Variants in ZGPAT observed in about 807,000 individuals in gnomAD.
The protein encoded by ZGPAT is zinc finger CCCH-type with G patch domain-containing protein.
ZGPAT carries 39 observed loss-of-function variants against 47.9 expected under a neutral mutation model. The ratio of observed to expected loss-of-function variants is 0.81; its 90% CI spans 0.63 to 1.06. ZGPAT has a LOEUF of 1.06. Ranked by LOEUF, ZGPAT falls within the 50% of genes least tolerant of loss-of-function variation. ZGPAT has a pLI of 0.00. For missense variants in ZGPAT, 717 were observed against 681.4 expected (o/e 1.05, Z -0.58); for synonymous variants, 348 against 292.9 (o/e 1.19, Z -1.92).
At chr20:63,732,240 TGC>T (rs1568799190) in intron 2 of ZGPAT, among the ~76,000 whole-genome samples, 5 of 148,964 alleles carry the variant, frequency 3.4e-5, no homozygotes, top group Non-Finnish European at 7.4e-5. Flanking sequence ...GGTGCATGTG[TGC>T]GTGCACGTGT....
intron 2 of ZGPAT, among the ~76,000 whole-genome samples, chr20:63,710,207 G>A (rs1486355875): frequency 6.8e-6 from 1 of 147,612 alleles, no homozygotes; most frequent in Non-Finnish European, 1.5e-5. Flanking sequence ...AGGCTGGAGT[G>A]TAGTGGCGCA....
chr20:63,731,594 A>C (rs995361145), intron 2 of ZGPAT, among the ~76,000 whole-genome samples: 1 of 146,802 alleles, frequency 6.8e-6, no homozygotes, highest in Admixed American at 6.8e-5. Flanking sequence ...ACATGTGTAA[A>C]GTGTACAGTT....
At chr20:63,724,828 C>T (rs2091827208) in intron 2 of ZGPAT, among the ~76,000 whole-genome samples, 1 of 151,872 alleles carries the variant, frequency 6.6e-6, no homozygotes, top group Admixed American at 6.6e-5. Context: ...CACCTGCCAC[C>T]ACCCCCAGCC....
At chr20:63,716,595 C>A (rs1330909639) in intron 2 of ZGPAT, among the ~76,000 whole-genome samples, 2 of 151,884 alleles carry the variant, frequency 1.3e-5, no homozygotes, top group African/African-American at 2.4e-5. Flanking sequence ...CTCACTGCAA[C>A]CCCTGCCTCC....
At position 63,708,817 on chromosome 20, in the gene ZGPAT, C is replaced by A; in HGVS notation, c.237C>A (p.Tyr79Ter). Reference sequence around the variant, plus strand: ...CGGGCCGCCAGGAAGATGCTGAGTACCAGGCTTTCCGGGAGGCCATCACTG... The same window carrying A: ...CGGGCCGCCAGGAAGATGCTGAGTAACAGGCTTTCCGGGAGGCCATCACTG... The part of the protein sequence containing the change: ...ERPGRQEDAE[Y>*]QAFREAITEA... The change falls in exon 2 of 7, where the codon TAC becomes TAA. Residue 79 changes from tyrosine (Y) to a stop codon, truncating the protein, a stop_gained. Transcript: ENST00000355969. LOFTEE classifies it high-confidence loss of function. The A allele has an allele frequency of 6.2e-7, 1 of 1,606,028 alleles. No homozygotes were observed. The highest frequency in any genetic ancestry group is 8.5e-7 in the Non-Finnish European group (1 of 1,175,118).
At chr20:63,718,050 A>C (rs1284713583) in intron 2 of ZGPAT, among the ~76,000 whole-genome samples, 3 of 151,960 alleles carry the variant, frequency 2.0e-5, no homozygotes, top group Non-Finnish European at 4.4e-5. Context: ...TCTCAAGAAA[A>C]GAAAAAAAAA....
rs1179139504 is a variant in ZGPAT at position 63,713,599 on chromosome 20, C to T, written c.584+4435C>T. 1.1e-4 allele frequency among the ~76,000 whole-genome samples: 17 copies of T among 150,224 alleles called. 1 individual carries two copies. In the South Asian group the frequency reaches 1.7e-3, roughly 15 times the overall value. On this transcript the variant is annotated intron_variant, in intron 2 of 6. Transcript: ENST00000355969. ...GTATATAGAAATACAAGCTGGGCAC[C>T]GTGGCTCACGCCTGTAATCCCAGCA...
Position 63,732,505 on chromosome 20 carries a change from ACG to A in ZGPAT, c.585-713_585-712del, listed in dbSNP as rs1386170810. On this transcript the variant is annotated intron_variant, in intron 2 of 6. Transcript: ENST00000355969. ...AGGGCGTATGTGTGTGGGTGAGGGC[ACG>A]TGTGCGCGCGTGTGGGTGAGATGGC... Among the ~76,000 whole-genome samples, 20 of 133,446 alleles carry A rather than the reference ACG, an allele frequency of 1.5e-4. No individual in the cohort carries two copies. In the East Asian group the frequency reaches 6.4e-3, roughly 43 times the overall value. The allele number at this position is 133,446 out of a possible 152,430, so 87.5% of individuals were successfully genotyped here.
intron 4 of ZGPAT, chr20:63,734,186 C>T (rs2091951932): frequency 3.7e-6 from 1 of 271,482 alleles, no homozygotes; most frequent in African/African-American, 2.2e-5. Context: ...GTGTCCAGCT[C>T]TCCAGAGGGG....
Position 63,733,661 on chromosome 20 carries a change from ATCCT to A in ZGPAT, c.794_797del (p.Ile265SerfsTer51). 1 of 1,613,930 alleles carries A rather than the reference ATCCT, an allele frequency of 6.2e-7. No homozygotes were observed. The highest frequency in any genetic ancestry group is 8.5e-7 in the Non-Finnish European group (1 of 1,179,996). ...GGAGGCCGTGGTGGAGGGGGACGGC[ATCCT>A]GCCCCCACTGCGCACAGAGGCCACA... On this transcript the variant is annotated frameshift_variant, in exon 4 of 7. Coordinates refer to ENST00000355969, the MANE Select transcript of ZGPAT (RefSeq NM_181485.3). LOFTEE classifies it high-confidence loss of function.
rs200546837 is a variant in ZGPAT at position 63,734,841 on chromosome 20, C to A, written c.991+17C>A. On this transcript the variant is annotated intron_variant, in intron 5 of 6. Coordinates refer to ENST00000355969, the MANE Select transcript of ZGPAT (RefSeq NM_181485.3). ...TTGGCAAGGGTGAGTACAAGCTGCC[C>A]TGGAGAAGTGGGCAGGCTGCTGCAG... is the stretch of plus-strand genomic sequence containing the variant. The A allele has an allele frequency of 2.6e-6, 4 of 1,562,674 alleles. No homozygotes were observed. Among genetic ancestry groups the A allele is most frequent in the East Asian group, 4.5e-5 (2 of 44,050 alleles).
intron 4 of ZGPAT, 136 bp downstream of exon 4, chr20:63,733,875 G>A (rs891155272): frequency 8.3e-7 from 1 of 1,201,468 alleles, no homozygotes; most frequent in Non-Finnish European, 1.1e-6. Flanking sequence ...ACCTGTGCCT[G>A]AGGAGGCCGT....
intron 2 of ZGPAT, among the ~76,000 whole-genome samples, chr20:63,715,737 C>A (rs985280408): frequency 6.6e-6 from 1 of 151,790 alleles, no homozygotes; most frequent in Non-Finnish European, 1.5e-5. Flanking sequence ...AGGAAGTATT[C>A]TTTATATTAT....
At chr20:63,716,654 G>T (rs2091731682) in intron 2 of ZGPAT, among the ~76,000 whole-genome samples, 1 of 151,792 alleles carries the variant, frequency 6.6e-6, no homozygotes, top group South Asian at 2.1e-4. Flanking sequence ...GGGATTACAG[G>T]TGTGAGCCAC....
rs1035136888 is a variant in ZGPAT at position 63,736,033 on chromosome 20, C to T, written c.*114C>T. ...GCTGGCCTGGGGCGTGCAGACACTG[C>T]TGAGTGGAGACAGAGCTGCGGGGTC... On this transcript the variant is annotated 3_prime_UTR_variant, in exon 7 of 7. Coordinates refer to ENST00000355969, the MANE Select transcript of ZGPAT (RefSeq NM_181485.3). 3.6e-5 allele frequency: 51 copies of T among 1,434,520 alleles called. No individual in the cohort carries two copies. In the African/African-American group the frequency reaches 6.7e-4, roughly 19 times the overall value. 88.9% of individuals were successfully genotyped at this position (1,434,520 alleles called of 1,614,324 possible).
intron 2 of ZGPAT, among the ~76,000 whole-genome samples, chr20:63,721,590 A>T (rs1037942215): frequency 6.6e-6 from 1 of 152,146 alleles, no homozygotes. Context: ...TCCAAGCATG[A>T]ACAGGAGCTT....
chr20:63,723,354 TCTC>T (rs1477821891), intron 2 of ZGPAT, among the ~76,000 whole-genome samples: 1 of 117,300 alleles, frequency 8.5e-6, no homozygotes, highest in Admixed American at 8.2e-5. Flanking sequence ...CATCCTCCCT[TCTC>T]CTATGACACA....
At chr20:63,725,047 C>T (rs1274295994) in intron 2 of ZGPAT, among the ~76,000 whole-genome samples, 9 of 149,420 alleles carry the variant, frequency 6.0e-5, no homozygotes, top group East Asian at 2.0e-4. Context: ...TGCAGTGGCA[C>T]GATCTCGGCT....
chr20:63,733,569 G>A lies in ZGPAT; in HGVS notation c.719-18G>A. ...CTGCTGTCAAGGATTCTGACCTGCA[G>A]CTTGTCTCTGCCCCCAGATGTGGAC... On this transcript the variant is annotated intron_variant, in intron 3 of 6. Transcript: ENST00000355969. 6.2e-7 allele frequency: 1 copy of A among 1,614,110 alleles called. No individual in the cohort carries two copies. The highest frequency in any genetic ancestry group is 8.5e-7 in the Non-Finnish European group (1 of 1,180,030).
Sources: allele counts gnomAD v4.1 joint callset (sites outside exome capture counted in the v4.1 genomes callset), GRCh38; gene constraint gnomAD v4.1.1; transcripts MANE v1.5; gene names NCBI Gene and HGNC (gene_info 2026-07-23, HGNC 2026-07-21).